PTPRD: variants seen among roughly 807,000 people sequenced by gnomAD.
PTPRD encodes the protein protein tyrosine phosphatase receptor type D.
Under a neutral mutation model 214.5 loss-of-function variants are expected in PTPRD, and 34 were observed. The ratio of observed to expected loss-of-function variants is 0.16; its 90% CI spans 0.12 to 0.21. The LOEUF is 0.21. Ranked by LOEUF, PTPRD falls within the 10% of genes least tolerant of loss-of-function variation. The pLI, the probability that PTPRD is intolerant of heterozygous loss-of-function variation, is 1.00. For missense variants in PTPRD, 2,545 were observed against 2,398.7 expected (o/e 1.06, Z -1.27); for synonymous variants, 1,128 against 845.7 (o/e 1.33, Z -5.79).
intron 8 of PTPRD, among the ~76,000 whole-genome samples, chr9:9,558,420 C>T (rs577542822): frequency 6.6e-6 from 1 of 152,168 alleles, no homozygotes; most frequent in Non-Finnish European, 1.5e-5. Flanking sequence ...ACCCCTTTGG[C>T]CGAGGGAGAC....
intron 5 of PTPRD, among the ~76,000 whole-genome samples, chr9:9,884,898 G>A (rs187246279): frequency 7.2e-5 from 11 of 152,214 alleles, no homozygotes; most frequent in South Asian, 2.1e-4. Context: ...ATGGAACTAC[G>A]AGTCAATTAA....
At chr9:8,907,993 A>G (rs1002298215) in intron 11 of PTPRD, among the ~76,000 whole-genome samples, 1 of 152,188 alleles carries the variant, frequency 6.6e-6, no homozygotes, top group Admixed American at 6.5e-5. Flanking sequence ...TCTCATCTAG[A>G]AACAGTATGG....
intron 9 of PTPRD, among the ~76,000 whole-genome samples, chr9:9,340,788 A>G (rs921829326): frequency 9.2e-5 from 14 of 152,342 alleles, no homozygotes; most frequent in African/African-American, 3.4e-4. Flanking sequence ...ACAAGAAAGG[A>G]TTCACTTAAA....
intron 2 of PTPRD, among the ~76,000 whole-genome samples, chr9:10,578,413 T>G (rs1436752469): frequency 1.3e-5 from 2 of 152,124 alleles, no homozygotes; most frequent in Non-Finnish European, 2.9e-5. Flanking sequence ...ACCTTTATTT[T>G]AGGGGTTCTT....
chr9:9,436,644 CCTCA>C (rs1484174990), intron 8 of PTPRD, among the ~76,000 whole-genome samples: 2 of 149,332 alleles, frequency 1.3e-5, no homozygotes, highest in Admixed American at 1.3e-4. Flanking sequence ...GTCATTGTTC[CCTCA>C]TTCAAAAATG....
intron 9 of PTPRD, among the ~76,000 whole-genome samples, chr9:9,384,509 T>C (rs540667000): frequency 1.3e-5 from 2 of 151,658 alleles, no homozygotes; most frequent in Non-Finnish European, 2.9e-5. Flanking sequence ...AAGTATTCAC[T>C]ACATTTTTAT....
chr9:8,762,531 C>T (rs989598646), intron 11 of PTPRD, among the ~76,000 whole-genome samples: 15 of 152,090 alleles, frequency 9.9e-5, no homozygotes, highest in African/African-American at 3.1e-4. Flanking sequence ...GTTTTTCTAA[C>T]ACTTCTCTCT....
intron 14 of PTPRD, among the ~76,000 whole-genome samples, chr9:8,594,229 C>G (rs1016188395): frequency 6.6e-6 from 1 of 152,084 alleles, no homozygotes; most frequent in Non-Finnish European, 1.5e-5. Context: ...ATGTTTTATC[C>G]TCTACTCCAA....
chr9:8,908,544 G>T (rs1033602167), intron 11 of PTPRD, among the ~76,000 whole-genome samples: 4 of 151,956 alleles, frequency 2.6e-5, no homozygotes, highest in African/African-American at 9.7e-5. Flanking sequence ...ACTTTGAACT[G>T]AATGAAAATA....
At chr9:9,632,402 T>C (rs1233791431) in intron 7 of PTPRD, among the ~76,000 whole-genome samples, 1 of 151,962 alleles carries the variant, frequency 6.6e-6, no homozygotes, top group South Asian at 2.1e-4. Flanking sequence ...ATAGCCAGAG[T>C]TGGGGAGGAG....
chr9:8,732,625 C>T (rs1444084488), intron 12 of PTPRD, among the ~76,000 whole-genome samples: 1 of 152,196 alleles, frequency 6.6e-6, no homozygotes, highest in African/African-American at 2.4e-5. Flanking sequence ...AATTAGGAAA[C>T]TATATACATT....
chr9:9,205,145 ATCT>A (rs1320844176), intron 9 of PTPRD, among the ~76,000 whole-genome samples: 2 of 152,232 alleles, frequency 1.3e-5, no homozygotes, highest in African/African-American at 4.8e-5. Context: ...TTTAAAAAAA[ATCT>A]TCTGGAATTT....
At chr9:10,493,244 A>G (rs563233197) in intron 2 of PTPRD, among the ~76,000 whole-genome samples, 3 of 152,202 alleles carry the variant, frequency 2.0e-5, no homozygotes, top group African/African-American at 7.2e-5. Flanking sequence ...ATTAGAAAAA[A>G]CTACACTAAT....
intron 27 of PTPRD, among the ~76,000 whole-genome samples, chr9:8,491,755 C>T (rs2097155543): frequency 6.6e-6 from 1 of 151,446 alleles, no homozygotes; most frequent in Non-Finnish European, 1.5e-5. Context: ...TGGCAGGATG[C>T]GAGCGAGGCA....
intron 2 of PTPRD, among the ~76,000 whole-genome samples, chr9:10,396,909 T>C (rs1456605192): frequency 1.3e-5 from 2 of 152,084 alleles, no homozygotes; most frequent in East Asian, 3.9e-4. Flanking sequence ...ACCTCCTCCA[T>C]ACTTGAGGCC....
rs528436957 is a variant in PTPRD, at chr9:8,750,286, T to C, written c.-103-16340A>G. ...GATTCTTCTGCCTCAGCCTCCCAAGTAGCTGGGACTACAGGCGCGGGCCAC... is the reference window on the plus strand; with the variant it reads ...GATTCTTCTGCCTCAGCCTCCCAAGCAGCTGGGACTACAGGCGCGGGCCAC... On this transcript the variant is annotated intron_variant, in intron 11 of 45. Coordinates refer to ENST00000381196, the MANE Select transcript of PTPRD (RefSeq NM_002839.4). Among the ~76,000 whole-genome samples the C allele has an allele frequency of 4.5e-4, 69 of 152,024 alleles. 1 individual carries two copies. The highest frequency in any genetic ancestry group is 2.1e-4 in the South Asian group (1 of 4,808).
At chr9:9,815,434 G>C (rs1204931356) in intron 5 of PTPRD, among the ~76,000 whole-genome samples, 1 of 152,124 alleles carries the variant, frequency 6.6e-6, no homozygotes, top group Non-Finnish European at 1.5e-5. Context: ...GTAGAGAAAA[G>C]TCTCCTTGAA....
intron 11 of PTPRD, among the ~76,000 whole-genome samples, chr9:8,746,271 A>G (rs1034877493): frequency 6.6e-6 from 1 of 152,224 alleles, no homozygotes; most frequent in African/African-American, 2.4e-5. Flanking sequence ...CAACATGGCC[A>G]TATTGAAAGA....
chr9:8,370,276 T>A (rs1167127976), intron 39 of PTPRD, among the ~76,000 whole-genome samples: 2 of 151,694 alleles, frequency 1.3e-5, no homozygotes, highest in African/African-American at 4.9e-5. Flanking sequence ...ATGGCAAATA[T>A]CTGACAACCT....
Sources: allele counts gnomAD v4.1 joint callset (sites outside exome capture counted in the v4.1 genomes callset), GRCh38; gene constraint gnomAD v4.1.1; transcripts MANE v1.5; gene names NCBI Gene and HGNC (gene_info 2026-07-23, HGNC 2026-07-21).